Variants in CIITA observed in about 807,000 individuals in gnomAD.
The protein encoded by CIITA is class II major histocompatibility complex transactivator, also known as MHC class II transactivator.
Under a neutral mutation model 115.1 loss-of-function variants are expected in CIITA, and 72 were observed. The observed-to-expected ratio is 0.63, with a 90% CI of 0.52 to 0.76. The LOEUF (loss-of-function observed/expected upper bound fraction) is 0.76, where lower values mean the gene tolerates loss of function less well. Among genes scored for constraint, CIITA ranks in the 30% least tolerant of loss-of-function variants. The pLI, the probability that CIITA is intolerant of heterozygous loss-of-function variation, is 0.00. For synonymous variants in CIITA, 763 were observed against 635.6 expected, an observed-to-expected ratio of 1.20 and a Z score of -3.02; for missense variants, 1,617 against 1,463.8, an observed-to-expected ratio of 1.10 and a Z score of -1.71.
At chr16:10,877,421 T>A (rs752890795) in intron 1 of CIITA, 39 bp downstream of exon 1, 3 of 1,586,788 alleles carry the variant, frequency 1.9e-6, no homozygotes, top group Non-Finnish European at 2.6e-6. Flanking sequence ...TAGCGTGCAG[T>A]CTCAGCTGGT....
chr16:10,915,528 T>A, intron 13 of CIITA, 42 bp from the exon 14 acceptor site: 2 of 1,505,946 alleles, frequency 1.3e-6, no homozygotes, highest in Non-Finnish European at 1.8e-6. Context: ...TGAGGGGCTG[T>A]GACTGTGACT....
chr16:10,918,370 A>T, intron 15 of CIITA, 70 bp from the exon 16 acceptor site: 1 of 1,328,658 alleles, frequency 7.5e-7, no homozygotes, highest in South Asian at 1.2e-5. Flanking sequence ...ATGACCCAGA[A>T]CTCTCCTTGA....
chr16:10,915,193 G>A, intron 13 of CIITA: 1 of 387,714 alleles, frequency 2.6e-6, no homozygotes, highest in South Asian at 2.0e-5. Context: ...TGAGACCACA[G>A]GACACACCAC....
intron 1 of CIITA, among the ~76,000 whole-genome samples, chr16:10,891,970 A>G (rs1321545786): frequency 6.6e-6 from 1 of 152,166 alleles, no homozygotes; most frequent in African/African-American, 2.4e-5. Context: ...TCTCTGTGAC[A>G]TCCGGGGGTC....
In CIITA at chr16:10,879,325, G is replaced by C. The variant is rs531835038; in HGVS notation, c.52+1943G>C. ...GGCGGCAGCTTCTGCAGAGAAGCCG[G>C]AGCGCAGACTGGGAGCGCGGAGCAG... On this transcript the variant is annotated intron_variant, in intron 1 of 19. Transcript: ENST00000324288. The surrounding 1 kb of genome is among the most constrained non-coding windows in gnomAD (Gnocchi z 4.3). Among the ~76,000 whole-genome samples the C allele has an allele frequency of 7.2e-5, 11 of 152,236 alleles. No homozygotes were observed. In the East Asian group the frequency reaches 1.7e-3, roughly 24 times the overall value.
Position 10,910,091 on chromosome 16 carries a change from G to C in CIITA, c.2817-97G>C, listed in dbSNP as rs577383329. 4.1e-6 allele frequency: 4 copies of C among 976,374 alleles called. No individual in the cohort carries two copies. In the African/African-American group the frequency reaches 4.8e-5, roughly 12 times the overall value. 60.5% of individuals were successfully genotyped at this position (976,374 alleles called of 1,614,324 possible). A position where few individuals can be genotyped will look rare whatever the true frequency, so the allele number is the denominator to read the frequency against. ...TGCCCCAAGGAAAGCAATCCCCCTGGGGAATTTGGGGCACTGGGGCAGCCA... is the reference window on the plus strand; with the variant it reads ...TGCCCCAAGGAAAGCAATCCCCCTGCGGAATTTGGGGCACTGGGGCAGCCA... On this transcript the variant is annotated intron_variant, in intron 12 of 19. Coordinates refer to ENST00000324288, the MANE Select transcript of CIITA (RefSeq NM_000246.4).
At chr16:10,870,483 G>A (rs1041133349) in intron 1 of CIITA, among the ~76,000 whole-genome samples, 1 of 152,220 alleles carries the variant, frequency 6.6e-6, no homozygotes, top group East Asian at 1.9e-4. Flanking sequence ...GTGCCTCAGT[G>A]GGAAGTTAAA....
At chr16:10,910,373 G>T in intron 13 of CIITA, 114 bp downstream of exon 13, 2 of 922,472 alleles carry the variant, frequency 2.2e-6, no homozygotes, top group Non-Finnish European at 3.4e-6. Flanking sequence ...TTACCCTCTT[G>T]CCCACCACTT....
In CIITA at chr16:10,877,615, G is replaced by A. The variant is rs113064113; in HGVS notation, c.52+233G>A. 4.8e-3 allele frequency among the ~76,000 whole-genome samples: 729 copies of A among 152,296 alleles called. 7 individuals carry two copies. Among genetic ancestry groups the A allele is most frequent in the African/African-American group, 0.016 (659 of 41,568 alleles). On this transcript the variant is annotated intron_variant, in intron 1 of 19. Coordinates refer to ENST00000324288, the MANE Select transcript of CIITA (RefSeq NM_000246.4). ...GGAGTATGAACCATGTATCAGCACC[G>A]AAAGGTTCTAGAAGTCAGACTTTCG...
chr16:10,936,294 A>G lies in CIITA; in HGVS notation c.*12439A>G, dbSNP rs2041019236. On this transcript the variant is annotated 3_prime_UTR_variant, in exon 20 of 20. Coordinates refer to ENST00000324288, the MANE Select transcript of CIITA (RefSeq NM_000246.4). ...GATGAGATTGGTCATAGGATTGTAT[A>G]GTGTATCAATATTAGATTTGCTGAT... 6.6e-6 allele frequency: 1 copy of G among 152,172 alleles called. No individual in the cohort carries two copies. Among genetic ancestry groups the G allele is most frequent in the Non-Finnish European group, 1.5e-5 (1 of 68,034 alleles). 9.4% of individuals were successfully genotyped at this position (152,172 alleles called of 1,614,324 possible).
chr16:10,874,752 T>A (rs1309852068), upstream of CIITA, among the ~76,000 whole-genome samples: 1 of 152,118 alleles, frequency 6.6e-6, no homozygotes, highest in Non-Finnish European at 1.5e-5. Flanking sequence ...GCAGCTGCAG[T>A]CACCCAGGTG....
chr16:10,902,485 C>T (rs755101452), intron 7 of CIITA, among the ~76,000 whole-genome samples, 173 bp from the exon 8 acceptor site: 9 of 152,220 alleles, frequency 5.9e-5, no homozygotes, highest in Non-Finnish European at 1.3e-4. Flanking sequence ...CTTCTCTGTG[C>T]CAACTGCTCT....
chr16:10,901,629 C>A lies in CIITA; in HGVS notation c.481+71C>A. On this transcript the variant is annotated intron_variant, in intron 6 of 19. Coordinates refer to ENST00000324288, the MANE Select transcript of CIITA (RefSeq NM_000246.4). The surrounding 1 kb of genome is among the most constrained non-coding windows in gnomAD (Gnocchi z 6.8). ...GGGAGGGGATGGAAGAGATTGAACT[C>A]CTGGCCCAAGTCTGATGGGGATGGT... The A allele has an allele frequency of 6.6e-7, 1 of 1,503,794 alleles. No individual in the cohort carries two copies. Among genetic ancestry groups the A allele is most frequent in the Non-Finnish European group, 9.2e-7 (1 of 1,091,744 alleles). 93.2% of individuals were successfully genotyped at this position (1,503,794 alleles called of 1,614,324 possible).
chr16:10,876,741 T>C (rs181262625), upstream of CIITA, among the ~76,000 whole-genome samples: 6 of 152,366 alleles, frequency 3.9e-5, no homozygotes, highest in East Asian at 9.6e-4. Flanking sequence ...GGGCCACTTA[T>C]GATCTCCAGA....
At chr16:10,902,207 A>G (rs762432693) in intron 7 of CIITA, 23 bp downstream of exon 7, 8 of 1,613,832 alleles carry the variant, frequency 5.0e-6, no homozygotes, top group Non-Finnish European at 5.9e-6. Flanking sequence ...GCTTGGAGAG[A>G]GTGGGCTTTC....
In CIITA at chr16:10,935,415, C is replaced by T. The variant is rs2040986290; in HGVS notation, c.*11560C>T. On this transcript the variant is annotated 3_prime_UTR_variant, in exon 20 of 20. Transcript: ENST00000324288. ...ACAGGCCAAGGCCCTGTGACTTTAG[C>T]TGGCTTTGGTATTTGGCCAAAAGTT... 6.6e-6 allele frequency: 1 copy of T among 152,222 alleles called. No individual in the cohort carries two copies. Among genetic ancestry groups the T allele is most frequent in the South Asian group, 2.1e-4 (1 of 4,830 alleles). 9.4% of individuals were successfully genotyped at this position (152,222 alleles called of 1,614,324 possible). A position where few individuals can be genotyped will look rare whatever the true frequency, so the allele number is the denominator to read the frequency against.
rs191297468 is a variant in CIITA at position 10,895,985 on chromosome 16, G to A, written c.295+221G>A. Among the ~76,000 whole-genome samples, 949 of 152,124 alleles carry A rather than the reference G, an allele frequency of 6.2e-3. 17 individuals are homozygous for A. The highest frequency in any genetic ancestry group is 0.022 in the African/African-American group (895 of 41,508). On this transcript the variant is annotated intron_variant, in intron 3 of 19. Transcript: ENST00000324288. ...AGGCCCCTTCACTAATGACCACCAA[G>A]AAAACAAAATCTCATGTTTACATCC... is the stretch of plus-strand genomic sequence containing the variant.
intron 1 of CIITA, 59 bp downstream of exon 1, chr16:10,877,441 C>A: frequency 6.5e-7 from 1 of 1,533,900 alleles, no homozygotes; most frequent in East Asian, 2.4e-5. Context: ...TCCTGCCATT[C>A]CAGATAAACA....
intron 1 of CIITA, among the ~76,000 whole-genome samples, chr16:10,869,646 T>A (rs2035341243): frequency 6.6e-6 from 1 of 151,880 alleles, no homozygotes; most frequent in Admixed American, 6.6e-5. Context: ...GCCTCCCAAA[T>A]AGCTGGGATT....
Sources: allele counts gnomAD v4.1 joint callset (sites outside exome capture counted in the v4.1 genomes callset), GRCh38; gene constraint gnomAD v4.1.1; non-coding constraint Gnocchi (gnomAD v3.1); transcripts MANE v1.5; gene names NCBI Gene and HGNC (gene_info 2026-07-23, HGNC 2026-07-21).